The following CTBP2 variants were observed in gnomAD, a reference collection of about 807,000 sequenced individuals.
CTBP2 encodes the protein C-terminal-binding protein 2.
Under a neutral mutation model 80.3 loss-of-function variants are expected in CTBP2, and 30 were observed. The observed-to-expected ratio is 0.37, with a 90% CI of 0.28 to 0.51. The LOEUF is 0.51. Ranked by LOEUF, CTBP2 falls within the 20% of genes least tolerant of loss-of-function variation. The pLI is 0.93. For missense variants in CTBP2, 1,212 were observed against 1,375.3 expected (o/e 0.88, Z 1.88); for synonymous variants, 594 against 587.4 (o/e 1.01, Z -0.16).
rs1952331225 is a variant in CTBP2 at position 124,989,704 on chromosome 10, GA to G, written c.2778-7del. On this transcript the variant is annotated splice_polypyrimidine_tract_variant and splice_region_variant and intron_variant, in intron 8 of 8. Coordinates refer to ENST00000309035, the MANE Select transcript of CTBP2 (RefSeq NM_022802.3). ...CCACGATGCCTGGCGGATATCTAAG[GA>G]ACACACAGAAATAGGGCCTTGTAAG... is the stretch of plus-strand genomic sequence containing the variant. The G allele has an allele frequency of 3.2e-6, 5 of 1,560,910 alleles. No homozygotes were observed. In the South Asian group the frequency reaches 6.2e-5, roughly 19 times the overall value.
At chr10:125,060,462 A>C (rs967801671) in intron 2 of CTBP2, among the ~76,000 whole-genome samples, 12 of 109,172 alleles carry the variant, frequency 1.1e-4, no homozygotes, top group East Asian at 3.7e-4. Context: ...CATTCCCCCC[A>C]CGTGTGTGTG....
intron 1 of CTBP2, among the ~76,000 whole-genome samples, chr10:125,012,433 G>A (rs778346695): frequency 6.6e-6 from 1 of 152,138 alleles, no homozygotes; most frequent in Admixed American, 6.5e-5. Context: ...GACACACATC[G>A]TCTGAGTCCC....
chr10:125,005,733 G>A (rs747968916), intron 1 of CTBP2: 1 of 1,612,906 alleles, frequency 6.2e-7, no homozygotes, highest in South Asian at 1.1e-5. Flanking sequence ...GATTCCTTCT[G>A]TTTCAGTACA....
chr10:125,102,479 C>A (rs929776817), intron 2 of CTBP2, among the ~76,000 whole-genome samples: 2 of 152,246 alleles, frequency 1.3e-5, no homozygotes, highest in African/African-American at 2.4e-5. Context: ...CGGCCTTCAG[C>A]AGGCCTCTGC....
intron 2 of CTBP2, among the ~76,000 whole-genome samples, chr10:125,082,494 T>C (rs1273341240): frequency 6.6e-6 from 1 of 152,188 alleles, no homozygotes; most frequent in Admixed American, 6.5e-5. Context: ...TCAGGTATCA[T>C]TTCCAGCTAA....
At chr10:125,084,012 C>T (rs112994910) in intron 2 of CTBP2, among the ~76,000 whole-genome samples, 16,548 of 152,232 alleles carry the variant, frequency 0.11, 1,054 homozygotes, top group Non-Finnish European at 0.14. Flanking sequence ...AACTCCTAAT[C>T]TCAAATGATC....
At chr10:125,041,456 G>A (rs556398560) in intron 2 of CTBP2, among the ~76,000 whole-genome samples, 23 of 151,786 alleles carry the variant, frequency 1.5e-4, no homozygotes, top group African/African-American at 5.3e-4. Flanking sequence ...AGTTATTGGA[G>A]TGGGGGCGGG....
intron 2 of CTBP2, chr10:125,100,657 G>A (rs920539091): frequency 1.3e-5 from 2 of 152,180 alleles, no homozygotes; most frequent in African/African-American, 4.8e-5. Flanking sequence ...AGGAAGGGCT[G>A]GAGGAGATAA....
chr10:125,146,785 A>G (rs1173857586), intron 1 of CTBP2, among the ~76,000 whole-genome samples: 1 of 152,106 alleles, frequency 6.6e-6, no homozygotes, highest in Non-Finnish European at 1.5e-5. Flanking sequence ...CTGGGTGGAG[A>G]AAAGATATTT....
intron 1 of CTBP2, among the ~76,000 whole-genome samples, chr10:125,019,022 C>T (rs1956794690): frequency 6.6e-6 from 1 of 152,236 alleles, no homozygotes; most frequent in Non-Finnish European, 1.5e-5. Flanking sequence ...GGATTTTTTG[C>T]TCTCCTAACA....
chr10:125,058,080 C>A (rs1012495151), intron 2 of CTBP2, among the ~76,000 whole-genome samples: 6 of 152,054 alleles, frequency 3.9e-5, no homozygotes, highest in African/African-American at 1.4e-4. Flanking sequence ...AGTTAGTATT[C>A]TGCTTGTTCT....
At chr10:125,039,256 C>T in intron 2 of CTBP2, 101 bp from the exon 3 acceptor site, 1 of 506,008 alleles carries the variant, frequency 2.0e-6, no homozygotes, top group East Asian at 3.3e-5. Context: ...AGGGAACCTG[C>T]CATGCGGACA....
At chr10:125,037,601 T>G (rs1424155116) in intron 3 of CTBP2, among the ~76,000 whole-genome samples, 1 of 152,182 alleles carries the variant, frequency 6.6e-6, no homozygotes. Context: ...GGGGATAATT[T>G]TAGACTAAGG....
chr10:125,146,150 A>G (rs1858732994), intron 1 of CTBP2, among the ~76,000 whole-genome samples: 5 of 152,152 alleles, frequency 3.3e-5, no homozygotes, highest in Non-Finnish European at 7.3e-5. Flanking sequence ...TCCAAAACTA[A>G]TTAGAAGAGA....
At chr10:125,087,200 G>A (rs1022209990) in intron 2 of CTBP2, among the ~76,000 whole-genome samples, 2 of 150,954 alleles carry the variant, frequency 1.3e-5, no homozygotes, top group Non-Finnish European at 2.9e-5. Flanking sequence ...TCAGCCTCCC[G>A]AGTACCTGGG....
At chr10:125,065,547 C>T (rs188290844) in intron 2 of CTBP2, among the ~76,000 whole-genome samples, 2 of 152,236 alleles carry the variant, frequency 1.3e-5, no homozygotes, top group Admixed American at 1.3e-4. Flanking sequence ...ATACCAAGTC[C>T]ACATCCTGCG....
At chr10:125,147,929 C>T (rs1859089480) in intron 1 of CTBP2, among the ~76,000 whole-genome samples, 1 of 152,122 alleles carries the variant, frequency 6.6e-6, no homozygotes, top group Admixed American at 6.5e-5. Flanking sequence ...CAAACACATA[C>T]GGTACGTCAG....
intron 3 of CTBP2, among the ~76,000 whole-genome samples, 174 bp downstream of exon 5, chr10:125,002,786 C>G (rs951892334): frequency 6.6e-6 from 1 of 152,208 alleles, no homozygotes; most frequent in East Asian, 1.9e-4. Context: ...CTACCTGTGT[C>G]ATGTGAAGGC....
In CTBP2 at chr10:125,026,275, G is replaced by A; in HGVS notation, c.1485C>T (p.Arg495=). 1 of 1,613,908 alleles carries A rather than the reference G, an allele frequency of 6.2e-7. No individual in the cohort carries two copies. The highest frequency in any genetic ancestry group is 8.5e-7 in the Non-Finnish European group (1 of 1,179,948). The stretch of plus-strand genomic sequence containing the variant: ...TGGGCAGCGGAGAGGCGGCCACGTT[G>A]CGCTCCCTCTTTAGCAGCTCCATGG... The change falls in exon 1 of 9, where the codon CGC becomes CGT. Residue 495 remains arginine (R), a synonymous_variant. Coordinates refer to ENST00000309035, the MANE Select transcript of CTBP2 (RefSeq NM_022802.3).
Sources: allele counts gnomAD v4.1 joint callset (sites outside exome capture counted in the v4.1 genomes callset), GRCh38; gene constraint gnomAD v4.1.1; transcripts MANE v1.5; gene names NCBI Gene and HGNC (gene_info 2026-07-23, HGNC 2026-07-21).